The following DGKH variants were observed in gnomAD, a reference collection of about 807,000 sequenced individuals.
The protein encoded by DGKH is diacylglycerol kinase eta, also known as DAG kinase eta.
DGKH carries 90 observed loss-of-function variants against 159.3 expected under a neutral mutation model. That is an observed-to-expected ratio of 0.57 (90% CI 0.48 to 0.67). The LOEUF is 0.67. DGKH is among the 30% of genes least tolerant of loss of function. DGKH has a pLI of 0.00. For synonymous variants in DGKH, 536 were observed against 553.8 expected, an observed-to-expected ratio of 0.97 and a Z score of 0.45; for missense variants, 1,181 against 1,506.1, an observed-to-expected ratio of 0.78 and a Z score of 3.57.
At position 42,127,463 on chromosome 13, in the gene DGKH, A is replaced by G; in HGVS notation, c.193A>G (p.Thr65Ala). 6.2e-7 allele frequency: 1 copy of G among 1,609,914 alleles called. No homozygotes were observed. The highest frequency in any genetic ancestry group is 8.5e-7 in the Non-Finnish European group (1 of 1,176,382). ...TCATTGTGCTTCTGCTTCTCTCTAG[A>G]CCAGTATTAAAGAGGGACAGCTATT... Reference protein sequence around the residue: ...VSTSGQIRTKTSIKEGQLLKQ... With the variant: ...VSTSGQIRTKASIKEGQLLKQ... The change falls in exon 2 of 30, where the codon ACC becomes GCC. Residue 65 changes from threonine (T) to alanine (A), a missense_variant and splice_region_variant. Transcript: ENST00000337343.
Position 42,211,294 on chromosome 13 carries a change from G to T in DGKH, c.3014+529G>T, listed in dbSNP as rs75816648. 1.8e-3 allele frequency among the ~76,000 whole-genome samples: 272 copies of T among 152,300 alleles called. 4 individuals carry two copies. In the East Asian group the frequency reaches 0.043, roughly 24 times the overall value. ...GGCTAATAAGAGCTGTTTCAATAGG[G>T]TGTGTGAAGATTAAATGAGACTCTA... On this transcript the variant is annotated intron_variant, in intron 24 of 29. Transcript: ENST00000337343.
intron 1 of DGKH, among the ~76,000 whole-genome samples, chr13:42,105,462 C>T (rs1247116697): frequency 6.6e-6 from 1 of 152,186 alleles, no homozygotes; most frequent in East Asian, 1.9e-4. Context: ...TACATTCCAA[C>T]CATAGCAGTG....
chr13:42,114,685 G>A (rs545409626), intron 1 of DGKH, among the ~76,000 whole-genome samples: 2 of 152,234 alleles, frequency 1.3e-5, no homozygotes, highest in South Asian at 4.1e-4. Context: ...TACATAGCTT[G>A]TTATAAACCA....
At chr13:42,133,785 T>A (rs1468838430) in intron 3 of DGKH, among the ~76,000 whole-genome samples, 1 of 152,122 alleles carries the variant, frequency 6.6e-6, no homozygotes, top group African/African-American at 2.4e-5. Context: ...TGCTTAGGGT[T>A]TTAGAGCAAA....
chr13:42,176,198 G>T (rs1200872400), intron 12 of DGKH, among the ~76,000 whole-genome samples: 1 of 151,944 alleles, frequency 6.6e-6, no homozygotes, highest in Non-Finnish European at 1.5e-5. Context: ...GTTTCAAATG[G>T]CATTAATCAA....
At position 42,137,767 on chromosome 13, in the gene DGKH, G is replaced by A. The variant is rs116178768; in HGVS notation, c.384+8135G>A. On this transcript the variant is annotated intron_variant, in intron 3 of 29. Coordinates refer to ENST00000337343, the MANE Select transcript of DGKH (RefSeq NM_178009.5). ...TTGACTAAAGAGCTCACAGAGGATG[G>A]TAACCATTATTATAAAAAAGGTCTG... Among the ~76,000 whole-genome samples, 386 of 152,256 alleles carry A rather than the reference G, an allele frequency of 2.5e-3. 2 individuals are homozygous for A. The highest frequency in any genetic ancestry group is 9.0e-3 in the African/African-American group (374 of 41,550).
intron 9 of DGKH, among the ~76,000 whole-genome samples, chr13:42,167,168 AC>A (rs1956334841): frequency 6.6e-6 from 1 of 152,222 alleles, no homozygotes; most frequent in Non-Finnish European, 1.5e-5. Context: ...ATGTCATATA[AC>A]TTAAAATCTG....
intron 19 of DGKH, 68 bp from the exon 20 acceptor site, chr13:42,199,745 G>A (rs1957300190): frequency 6.4e-7 from 1 of 1,558,660 alleles, no homozygotes; most frequent in African/African-American, 1.4e-5. Context: ...ATGTCTTTTT[G>A]CTTGCTCTGC....
At chr13:42,040,448 A>G (rs1880413744) in intron 1 of DGKH, among the ~76,000 whole-genome samples, 1 of 151,304 alleles carries the variant, frequency 6.6e-6, no homozygotes, top group Non-Finnish European at 1.5e-5. Flanking sequence ...GCGCCTTATA[A>G]GGCCTGACAG....
chr13:42,154,237 C>A (rs2137949326), intron 3 of DGKH, among the ~76,000 whole-genome samples: 1 of 152,228 alleles, frequency 6.6e-6, no homozygotes, highest in Middle Eastern at 3.4e-3. Context: ...GAGAAAAATT[C>A]TTATTTGGTA....
At position 42,204,041 on chromosome 13, in the gene DGKH, A is replaced by T. The variant is rs567253636; in HGVS notation, c.2494-1998A>T. On this transcript the variant is annotated intron_variant, in intron 20 of 29. Coordinates refer to ENST00000337343, the MANE Select transcript of DGKH (RefSeq NM_178009.5). Reference sequence around the variant, plus strand: ...CATTTAGATTTAGATGTGTTGCTTAATATATATATATTCACTTCAGCACCG... The same window carrying T: ...CATTTAGATTTAGATGTGTTGCTTATTATATATATATTCACTTCAGCACCG... Among the ~76,000 whole-genome samples, 5 of 152,020 alleles carry T rather than the reference A, an allele frequency of 3.3e-5. No individual in the cohort carries two copies. The East Asian group carries it at 9.6e-4, about 29-fold the overall frequency.
chr13:42,081,076 T>C (rs753655050), intron 1 of DGKH, among the ~76,000 whole-genome samples: 6 of 152,220 alleles, frequency 3.9e-5, no homozygotes, highest in Non-Finnish European at 8.8e-5. Context: ...AAATTTACCA[T>C]GCTATATACA....
intron 3 of DGKH, among the ~76,000 whole-genome samples, chr13:42,130,100 A>G (rs150107182): frequency 0.011 from 1,701 of 152,270 alleles, 18 homozygotes; most frequent in Admixed American, 0.023. Context: ...TTCTTTTCTG[A>G]TCACAGATCA....
chr13:42,151,546 CACGTGTATAT>C (rs1955894395), intron 3 of DGKH, among the ~76,000 whole-genome samples: 1 of 117,618 alleles, frequency 8.5e-6, no homozygotes, highest in African/African-American at 3.3e-5. Flanking sequence ...TATATATATA[CACGTGTATAT>C]ATGTAGTTTC....
At chr13:42,043,089 G>A (rs557622489) in intron 1 of DGKH, among the ~76,000 whole-genome samples, 200 of 152,190 alleles carry the variant, frequency 1.3e-3, no homozygotes, top group Non-Finnish European at 2.3e-3. Context: ...CTTTTTTGGG[G>A]TCAGCAATCC....
chr13:42,166,736 G>T, intron 9 of DGKH, 62 bp downstream of exon 9: 1 of 1,351,060 alleles, frequency 7.4e-7, no homozygotes. Context: ...AAATGTGTTT[G>T]GTTTTTCAGC....
intron 1 of DGKH, among the ~76,000 whole-genome samples, chr13:42,042,154 T>C (rs746351495): frequency 5.3e-5 from 8 of 152,234 alleles, no homozygotes; most frequent in South Asian, 2.1e-4. Flanking sequence ...GTTTCTTCCA[T>C]TGTGGTTATC....
At chr13:42,073,206 T>C (rs1883087435) in intron 1 of DGKH, among the ~76,000 whole-genome samples, 1 of 152,256 alleles carries the variant, frequency 6.6e-6, no homozygotes. Flanking sequence ...AGTGTCCTGC[T>C]CGATATACCC....
chr13:42,095,456 C>T (rs1262476426), intron 1 of DGKH, among the ~76,000 whole-genome samples: 1 of 152,154 alleles, frequency 6.6e-6, no homozygotes, highest in African/African-American at 2.4e-5. Context: ...AGCCACTGCA[C>T]CCAGCCAAAT....
Sources: allele counts gnomAD v4.1 joint callset (sites outside exome capture counted in the v4.1 genomes callset), GRCh38; gene constraint gnomAD v4.1.1; transcripts MANE v1.5; gene names NCBI Gene and HGNC (gene_info 2026-07-23, HGNC 2026-07-21).